The following FAT4 variants were observed in gnomAD, a reference collection of about 807,000 sequenced individuals.
FAT4 encodes the protein protocadherin Fat 4.
A neutral mutation model predicts 303.9 loss-of-function variants in FAT4; 84 were observed. That is an observed-to-expected ratio of 0.28 (90% confidence interval 0.23 to 0.33). The LOEUF is 0.33. Among genes scored for constraint, FAT4 ranks in the 10% least tolerant of loss-of-function variants. The pLI, the probability that FAT4 is intolerant of heterozygous loss-of-function variation, is 1.00. For missense variants in FAT4, 6,005 were observed against 6,146.8 expected, an observed-to-expected ratio of 0.98 and a Z score of 0.77; for synonymous variants, 2,307 against 2,298.8, an observed-to-expected ratio of 1.00 and a Z score of -0.10.
At chr4:125,357,903 C>A (rs1374748486) in intron 2 of FAT4, among the ~76,000 whole-genome samples, 2 of 152,126 alleles carry the variant, frequency 1.3e-5, no homozygotes, top group Admixed American at 6.6e-5. Context: ...ATCCCTTCCC[C>A]TTTACATATG....
Position 125,475,016 on chromosome 4 carries a change from T to C in FAT4, c.12214-1155T>C, listed in dbSNP as rs560269367. ...TGTATTTATATTTCTCTGCTACATA[T>C]GTAACAAATTTGGATTAACCCTGTC... On this transcript the variant is annotated intron_variant, in intron 12 of 17. Transcript: ENST00000394329. Among the ~76,000 whole-genome samples the C allele has an allele frequency of 3.5e-4, 53 of 152,118 alleles. 1 individual carries two copies. Among genetic ancestry groups the C allele is most frequent in the Admixed American group, 2.1e-3 (32 of 15,266 alleles).
At chr4:125,375,619 C>T (rs1239039705) in intron 2 of FAT4, among the ~76,000 whole-genome samples, 2 of 152,324 alleles carry the variant, frequency 1.3e-5, no homozygotes, top group African/African-American at 4.8e-5. Flanking sequence ...ACTTTCAGCT[C>T]TCTGGCCTAG....
chr4:125,348,306 T>C (rs1394874890), intron 2 of FAT4, among the ~76,000 whole-genome samples: 2 of 151,822 alleles, frequency 1.3e-5, no homozygotes, highest in Non-Finnish European at 2.9e-5. Flanking sequence ...TATACAACTT[T>C]AGAGTTCAGA....
rs1259637651 is a variant in FAT4, at chr4:125,392,094, G to A, written c.5176-6690G>A. On this transcript the variant is annotated intron_variant, in intron 2 of 17. Transcript: ENST00000394329. Reference sequence around the variant, plus strand: ...GAAGATATTTGCAATTACCTATGTTGGTAATATATAAACTTAAATCAGAGC... The same window carrying A: ...GAAGATATTTGCAATTACCTATGTTAGTAATATATAAACTTAAATCAGAGC... Among the ~76,000 whole-genome samples the A allele has an allele frequency of 3.3e-5, 5 of 151,874 alleles. No homozygotes were observed. In the East Asian group the frequency reaches 9.6e-4, roughly 29 times the overall value.
Position 125,488,587 on chromosome 4 carries a change from G to A in FAT4, c.13084+981G>A, listed in dbSNP as rs1371941886. ...AGTGATTATGGTAAAATTCAAGGAG[G>A]TTTCTACTTCTCAACTCAAAGAAGG... is the stretch of plus-strand genomic sequence containing the variant. On this transcript the variant is annotated intron_variant, in intron 17 of 17. Coordinates refer to ENST00000394329, the MANE Select transcript of FAT4 (RefSeq NM_001291303.3). Among the ~76,000 whole-genome samples the A allele has an allele frequency of 3.3e-5, 5 of 152,138 alleles. 1 individual carries two copies. The highest frequency in any genetic ancestry group is 6.5e-5 in the Admixed American group (1 of 15,276).
intron 2 of FAT4, among the ~76,000 whole-genome samples, chr4:125,351,804 A>G (rs1451512221): frequency 3.3e-5 from 5 of 151,712 alleles, no homozygotes; most frequent in Non-Finnish European, 5.9e-5. Flanking sequence ...TTGTATTAAG[A>G]ACTCTTCCTA....
chr4:125,415,192 C>G lies in FAT4; in HGVS notation c.6229C>G (p.Pro2077Ala). ...TVVFKAQATD[P>A]DSGPNSYIEY... ...TGTTTTCAAAGCTCAAGCAACTGACCCAGATAGTGGCCCAAACAGCTATAT... is the reference window on the plus strand; with the variant it reads ...TGTTTTCAAAGCTCAAGCAACTGACGCAGATAGTGGCCCAAACAGCTATAT... Residue 2077 changes from proline to alanine, a missense_variant, in exon 6 of 18, where the codon CCA (proline) becomes GCA (alanine). Coordinates refer to ENST00000394329, the MANE Select transcript of FAT4 (RefSeq NM_001291303.3). The G allele has an allele frequency of 4.3e-6, 7 of 1,614,038 alleles. No individual in the cohort carries two copies. The highest frequency in any genetic ancestry group is 5.1e-6 in the Non-Finnish European group (6 of 1,179,980).
rs772059265 is a variant in FAT4 at position 125,318,005 on chromosome 4, G to A, written c.1594G>A (p.Val532Met). Residue 532 changes from valine to methionine, a missense_variant, in exon 2 of 18, where the codon GTG becomes ATG. Coordinates refer to ENST00000394329, the MANE Select transcript of FAT4 (RefSeq NM_001291303.3). The stretch of plus-strand genomic sequence containing the variant: ...CCATATCAGTGAACATAGCGGCCTC[G>A]TGACCACTGGGTCCTCTGGGGGCCT... The part of the protein sequence containing the change: ...WFHISEHSGL[V>M]TTGSSGGLDR... 21 of 1,614,182 alleles carry A rather than the reference G, an allele frequency of 1.3e-5. No homozygotes were observed. Among genetic ancestry groups the A allele is most frequent in the East Asian group, 2.2e-5 (1 of 44,864 alleles).
intron 8 of FAT4, among the ~76,000 whole-genome samples, chr4:125,437,118 G>A (rs1422199797): frequency 6.6e-6 from 1 of 152,064 alleles, no homozygotes; most frequent in African/African-American, 2.4e-5. Flanking sequence ...GCCTTCCAAA[G>A]TGCTGGGATT....
At position 125,434,408 on chromosome 4, in the gene FAT4, A is replaced by G; in HGVS notation, c.7182A>G (p.Ser2394=). 2 of 1,614,066 alleles carry G rather than the reference A, an allele frequency of 1.2e-6. No homozygotes were observed. The highest frequency in any genetic ancestry group is 2.2e-5 in the South Asian group (2 of 91,082). Reference sequence around the variant, plus strand: ...TAAATGCCTCAGATGCTGATGCTTCAAAGAATGCAGTTATAAGGTCAGTAC... The same window carrying G: ...TAAATGCCTCAGATGCTGATGCTTCGAAGAATGCAGTTATAAGGTCAGTAC... ...LLVNASDADA[S]KNAVISYRII... The change falls in exon 8 of 18, where the codon TCA becomes TCG. Residue 2394 remains serine, a synonymous_variant. Coordinates refer to ENST00000394329, the MANE Select transcript of FAT4 (RefSeq NM_001291303.3).
intron 2 of FAT4, among the ~76,000 whole-genome samples, chr4:125,324,651 T>A (rs1731083903): frequency 6.6e-6 from 1 of 152,244 alleles, no homozygotes; most frequent in South Asian, 2.1e-4. Flanking sequence ...TGGAGCTTAG[T>A]GTTTAAATGG....
intron 8 of FAT4, among the ~76,000 whole-genome samples, chr4:125,444,071 C>T (rs989133360): frequency 5.3e-5 from 8 of 151,974 alleles, no homozygotes; most frequent in African/African-American, 1.7e-4. Context: ...AAATATATTA[C>T]CTACTTTAAA....
chr4:125,479,799 A>G lies in FAT4; in HGVS notation c.12538A>G (p.Met4180Val), dbSNP rs755098351. 2.5e-6 allele frequency: 4 copies of G among 1,606,566 alleles called. No individual in the cohort carries two copies. Among genetic ancestry groups the G allele is most frequent in the Non-Finnish European group, 2.6e-6 (3 of 1,174,458 alleles). Residue 4180 changes from methionine to valine, a missense_variant, in exon 15 of 18, where the codon ATG becomes GTG. Physicochemically the swap from Met to Val is conservative, Grantham distance 21. Coordinates refer to ENST00000394329, the MANE Select transcript of FAT4 (RefSeq NM_001291303.3). Reference protein sequence around the residue: ...RSPCQHGGTCMDYWSWQQCHC... With the variant: ...RSPCQHGGTCVDYWSWQQCHC... ...CCCATGCCAACATGGTGGCACATGT[A>G]TGGATTACTGGTCATGGCAGCAGTG...
chr4:125,466,665 A>G (rs1299594874), intron 11 of FAT4, among the ~76,000 whole-genome samples: 1 of 150,696 alleles, frequency 6.6e-6, no homozygotes, highest in African/African-American at 2.4e-5. Context: ...TATTATCTCT[A>G]TATATCATAT....
Position 125,440,581 on chromosome 4 carries a change from TTGTG to T in FAT4, c.7200-5685_7200-5682del, listed in dbSNP as rs768799104. Among the ~76,000 whole-genome samples the T allele has an allele frequency of 4.7e-4, 55 of 117,684 alleles. 1 individual carries two copies. The highest frequency in any genetic ancestry group is 3.7e-3 in the Admixed American group (37 of 10,064). 77.2% of individuals were successfully genotyped at this position (117,684 alleles called of 152,430 possible). A position where few individuals can be genotyped will look rare whatever the true frequency, so the allele number is the denominator to read the frequency against. ...TCTCACTGCATTATTTTCTCAGTAC[TTGTG>T]TGTGTGTGTGTGTGTGTGTGTGTGT... is the stretch of plus-strand genomic sequence containing the variant. On this transcript the variant is annotated intron_variant, in intron 8 of 17. Coordinates refer to ENST00000394329, the MANE Select transcript of FAT4 (RefSeq NM_001291303.3).
intron 2 of FAT4, among the ~76,000 whole-genome samples, chr4:125,372,276 C>T (rs1212303406): frequency 4.0e-5 from 6 of 151,400 alleles, no homozygotes; most frequent in African/African-American, 1.2e-4. Context: ...GTGGGAGGAT[C>T]GCTTGAACCC....
At chr4:125,326,054 A>C (rs1731138378) in intron 2 of FAT4, among the ~76,000 whole-genome samples, 1 of 152,106 alleles carries the variant, frequency 6.6e-6, no homozygotes, top group South Asian at 2.1e-4. Flanking sequence ...AGATTTTGGC[A>C]GTTCAGTTAA....
chr4:125,388,119 A>T (rs1001919410), intron 2 of FAT4, among the ~76,000 whole-genome samples: 3 of 152,196 alleles, frequency 2.0e-5, no homozygotes, highest in Non-Finnish European at 4.4e-5. Flanking sequence ...ACCATGGCAG[A>T]GGTAGAAAAG....
chr4:125,456,349 A>G (rs1449703304), intron 10 of FAT4, among the ~76,000 whole-genome samples: 1 of 152,170 alleles, frequency 6.6e-6, no homozygotes, highest in Non-Finnish European at 1.5e-5. Context: ...CATTAACGTT[A>G]CATACTTCTC....
Sources: allele counts gnomAD v4.1 joint callset (sites outside exome capture counted in the v4.1 genomes callset), GRCh38; gene constraint gnomAD v4.1.1; transcripts MANE v1.5; gene names NCBI Gene and HGNC (gene_info 2026-07-23, HGNC 2026-07-21).